SPOCK3: variants seen among roughly 807,000 people sequenced by gnomAD.
SPOCK3 encodes the protein SPARC (osteonectin), cwcv and kazal like domains proteoglycan 3.
A neutral mutation model predicts 56.6 loss-of-function variants in SPOCK3; 30 were observed. The observed-to-expected ratio is 0.53, with a 90% confidence interval of 0.40 to 0.72. The LOEUF is 0.72. SPOCK3 is among the 30% of genes least tolerant of loss of function. SPOCK3 has a pLI of 0.00. For synonymous variants in SPOCK3, 196 were observed against 183.3 expected (o/e 1.07, Z -0.56); for missense variants, 527 against 530.0 (o/e 0.99, Z 0.06).
rs1425486621 is a variant in SPOCK3, at chr4:167,168,198, C to T, written c.189+65787G>A. ...TAGCAGCAGGAGAAAGAACTTAATA[C>T]AGTAAATTGGTACTGGTAGAGTGCG... is the stretch of plus-strand genomic sequence containing the variant. On this transcript the variant is annotated intron_variant, in intron 2 of 10. Coordinates refer to ENST00000357545, the MANE Select transcript of SPOCK3 (RefSeq NM_001040159.2). Among the ~76,000 whole-genome samples the T allele has an allele frequency of 2.0e-5, 3 of 152,118 alleles. No individual in the cohort carries two copies. In the East Asian group the frequency reaches 5.8e-4, roughly 29 times the overall value.
At chr4:167,154,592 A>G (rs2150423542) in intron 2 of SPOCK3, among the ~76,000 whole-genome samples, 1 of 152,316 alleles carries the variant, frequency 6.6e-6, no homozygotes, top group East Asian at 1.9e-4. Flanking sequence ...GGAGGAAAGA[A>G]GTTTCTTCAA....
chr4:166,870,618 T>C (rs943930462), intron 6 of SPOCK3, among the ~76,000 whole-genome samples: 5 of 152,090 alleles, frequency 3.3e-5, no homozygotes, highest in African/African-American at 9.7e-5. Flanking sequence ...CAAGTCAAGA[T>C]GAAGTCTGAA....
chr4:167,160,176 G>A (rs955356887), intron 2 of SPOCK3, among the ~76,000 whole-genome samples: 38 of 152,072 alleles, frequency 2.5e-4, no homozygotes, highest in African/African-American at 8.4e-4. Flanking sequence ...TTAAGCTGAT[G>A]AGCAACTTCA....
intron 4 of SPOCK3, among the ~76,000 whole-genome samples, chr4:166,963,358 T>G (rs898792549): frequency 3.3e-4 from 50 of 152,022 alleles, no homozygotes; most frequent in African/African-American, 9.9e-4. Context: ...ATGTGGAAAT[T>G]GAGATGTTAA....
chr4:167,015,077 A>G (rs1192747243), intron 3 of SPOCK3, among the ~76,000 whole-genome samples: 1 of 152,048 alleles, frequency 6.6e-6, no homozygotes, highest in Non-Finnish European at 1.5e-5. Flanking sequence ...TTCCACTATT[A>G]AAATTTAGAT....
At chr4:167,159,134 T>A (rs1249622791) in intron 2 of SPOCK3, among the ~76,000 whole-genome samples, 1 of 152,010 alleles carries the variant, frequency 6.6e-6, no homozygotes, top group Non-Finnish European at 1.5e-5. Context: ...GGTAAGTTGT[T>A]TAACCTAATT....
At chr4:166,962,763 T>G (rs74503917) in intron 4 of SPOCK3, among the ~76,000 whole-genome samples, 5,206 of 152,148 alleles carry the variant, frequency 0.034, 102 homozygotes, top group African/African-American at 0.05. Flanking sequence ...AATGACTTAT[T>G]CTATTTTTAA....
intron 9 of SPOCK3, 25 bp from the exon 10 acceptor site, chr4:166,737,629 C>G (rs770682298): frequency 6.3e-7 from 1 of 1,592,924 alleles, no homozygotes; most frequent in Admixed American, 1.8e-5. Flanking sequence ...CACAGGCATA[C>G]AAACACACAC....
intron 7 of SPOCK3, among the ~76,000 whole-genome samples, chr4:166,790,123 T>C (rs1302790674): frequency 1.3e-5 from 2 of 152,196 alleles, no homozygotes; most frequent in African/African-American, 2.4e-5. Flanking sequence ...CTTTCAGTTT[T>C]ATTTAGTGAA....
chr4:167,205,613 A>G (rs1390603118), intron 2 of SPOCK3, among the ~76,000 whole-genome samples: 13 of 111,772 alleles, frequency 1.2e-4, no homozygotes, highest in Non-Finnish European at 1.0e-4. Flanking sequence ...TATATATAAA[A>G]TATCTATATA....
chr4:167,205,393 T>TATATATTAAATATATTATATATA (rs1734092202), intron 2 of SPOCK3, among the ~76,000 whole-genome samples: 2 of 44,628 alleles, frequency 4.5e-5, no homozygotes, highest in African/African-American at 2.1e-4. Context: ...ATATATATTT[T>TATATATTAAATATATTATATATA]ATATATAATA....
At chr4:166,893,349 C>T (rs1393354288) in intron 5 of SPOCK3, among the ~76,000 whole-genome samples, 1 of 152,004 alleles carries the variant, frequency 6.6e-6, no homozygotes, top group Non-Finnish European at 1.5e-5. Context: ...TTCTACAAAC[C>T]AACTGTCAAT....
rs138730624 is a variant in SPOCK3, at chr4:167,132,706, T to C, written c.190-70169A>G. 4.8e-3 allele frequency among the ~76,000 whole-genome samples: 729 copies of C among 152,278 alleles called. 6 individuals are homozygous for C. Among genetic ancestry groups the C allele is most frequent in the Middle Eastern group, 0.014 (4 of 294 alleles). Reference sequence around the variant, plus strand: ...AAGCTAGGGGAACAAATCCATTCTTTACCTCTCTCTTAGCTTCGGATAGCT... The same window carrying C: ...AAGCTAGGGGAACAAATCCATTCTTCACCTCTCTCTTAGCTTCGGATAGCT... On this transcript the variant is annotated intron_variant, in intron 2 of 10. Coordinates refer to ENST00000357545, the MANE Select transcript of SPOCK3 (RefSeq NM_001040159.2).
At chr4:166,859,536 T>C (rs1343485178) in intron 6 of SPOCK3, among the ~76,000 whole-genome samples, 1 of 152,104 alleles carries the variant, frequency 6.6e-6, no homozygotes, top group African/African-American at 2.4e-5. Flanking sequence ...ATACAACATA[T>C]GATAAACAGT....
chr4:166,832,559 G>A (rs1271683312), intron 6 of SPOCK3, among the ~76,000 whole-genome samples: 1 of 152,094 alleles, frequency 6.6e-6, no homozygotes, highest in Admixed American at 6.6e-5. Context: ...AACCCCATTA[G>A]TGGTATATAT....
chr4:167,135,777 T>C (rs909717584), intron 2 of SPOCK3, among the ~76,000 whole-genome samples: 5 of 151,620 alleles, frequency 3.3e-5, no homozygotes, highest in Non-Finnish European at 5.9e-5. Flanking sequence ...AGTGATTGAC[T>C]GCTGAATAAA....
chr4:166,743,323 T>C (rs1735111121), intron 8 of SPOCK3, among the ~76,000 whole-genome samples: 1 of 152,184 alleles, frequency 6.6e-6, no homozygotes. Context: ...AATTTTATAA[T>C]ACATTGAATT....
At chr4:166,907,258 T>A (rs1011919018) in intron 5 of SPOCK3, among the ~76,000 whole-genome samples, 3 of 152,016 alleles carry the variant, frequency 2.0e-5, no homozygotes, top group Non-Finnish European at 2.9e-5. Flanking sequence ...TGGGAAACAC[T>A]GATCAGAGCA....
chr4:166,754,476 C>G (rs1450929155), intron 8 of SPOCK3, 32 bp downstream of exon 8: 1 of 1,585,700 alleles, frequency 6.3e-7, no homozygotes, highest in Non-Finnish European at 8.6e-7. Context: ...TGCAGGTCAA[C>G]TATTTGCGTC....
Sources: gnomAD v4.1 joint callset for allele counts (sites outside exome capture counted in the v4.1 genomes callset) on GRCh38, gnomAD v4.1.1 for gene constraint, MANE v1.5 for transcripts, NCBI Gene and HGNC (gene_info 2026-07-23, HGNC 2026-07-21) for gene names.